The following MEMO1 variants were observed in gnomAD, a reference collection of about 807,000 sequenced individuals.
MEMO1 encodes the protein protein MEMO1.
Under a neutral mutation model 45.2 loss-of-function variants are expected in MEMO1, and 6 were observed. The ratio of observed to expected loss-of-function variants is 0.13; its 90% CI spans 0.07 to 0.26. The LOEUF (loss-of-function observed/expected upper bound fraction) is 0.26. MEMO1 is among the 10% of genes least tolerant of loss of function. The pLI is 1.00. For missense variants in MEMO1, 184 were observed against 370.5 expected (o/e 0.50, Z 4.13); for synonymous variants, 78 against 124.3 (o/e 0.63, Z 2.48).
Position 31,890,835 on chromosome 2 carries a change from T to C in MEMO1, c.580+1157A>G, listed in dbSNP as rs79846200. Among the ~76,000 whole-genome samples, 922 of 152,256 alleles carry C rather than the reference T, an allele frequency of 6.1e-3. 12 individuals are homozygous for C. The highest frequency in any genetic ancestry group is 0.021 in the African/African-American group (863 of 41,568). ...ATTAGTATTGCCACCCTCCAAACCA[T>C]ATCCCAGTTGTGGTGATCAAAACTG... On this transcript the variant is annotated intron_variant, in intron 7 of 9. Transcript: ENST00000404530.
chr2:31,902,819 A>G (rs1201401985), intron 6 of MEMO1, among the ~76,000 whole-genome samples: 3 of 151,894 alleles, frequency 2.0e-5, no homozygotes, highest in African/African-American at 7.3e-5. Context: ...TGGTGCCATC[A>G]CAGCTCACTG....
At chr2:31,925,280 A>G (rs1682909643) in intron 4 of MEMO1, among the ~76,000 whole-genome samples, 1 of 151,960 alleles carries the variant, frequency 6.6e-6, no homozygotes, top group South Asian at 2.1e-4. Context: ...GATCGAGACC[A>G]TCTGGCTAAC....
chr2:32,008,908 T>C (rs906965917), intron 2 of MEMO1, among the ~76,000 whole-genome samples: 2 of 152,134 alleles, frequency 1.3e-5, no homozygotes, highest in Non-Finnish European at 2.9e-5. Context: ...TTCTTCCAAA[T>C]CTTTGCTTTC....
chr2:31,938,963 T>G (rs1558518998), intron 3 of MEMO1, among the ~76,000 whole-genome samples: 1 of 151,862 alleles, frequency 6.6e-6, no homozygotes, highest in South Asian at 2.1e-4. Flanking sequence ...ATTTTTGTAT[T>G]TTTTGTAGAG....
At chr2:31,902,820 C>T (rs1679065628) in intron 6 of MEMO1, among the ~76,000 whole-genome samples, 1 of 151,952 alleles carries the variant, frequency 6.6e-6, no homozygotes, top group African/African-American at 2.4e-5. Flanking sequence ...GGTGCCATCA[C>T]AGCTCACTGC....
intron 4 of MEMO1, 123 bp from the exon 5 acceptor site, chr2:31,921,033 T>C (rs1339235398): frequency 4.9e-6 from 3 of 617,810 alleles, no homozygotes; most frequent in East Asian, 6.4e-5. Context: ...CAACTGTTAA[T>C]GGCTGAACTG....
At chr2:31,874,341 G>C (rs1674243970) in intron 8 of MEMO1, among the ~76,000 whole-genome samples, 1 of 151,922 alleles carries the variant, frequency 6.6e-6, no homozygotes, top group Non-Finnish European at 1.5e-5. Flanking sequence ...AAAAACACTG[G>C]TCTATAGCCA....
chr2:31,948,374 A>T (rs1666427786), intron 2 of MEMO1, among the ~76,000 whole-genome samples: 1 of 152,208 alleles, frequency 6.6e-6, no homozygotes, highest in African/African-American at 2.4e-5. Flanking sequence ...CTATTAGCAC[A>T]ATAAACTCAA....
At chr2:31,950,581 G>A (rs1327251399) in intron 2 of MEMO1, among the ~76,000 whole-genome samples, 1 of 151,546 alleles carries the variant, frequency 6.6e-6, no homozygotes. Context: ...AAACTAGCCA[G>A]GCATGGTGGC....
At chr2:31,961,306 G>A (rs902744483) in intron 2 of MEMO1, among the ~76,000 whole-genome samples, 7 of 151,842 alleles carry the variant, frequency 4.6e-5, no homozygotes, top group African/African-American at 1.2e-4. Context: ...TGTAGTGAGC[G>A]AGATCACACC....
At chr2:32,005,132 T>C (rs942036705) in intron 2 of MEMO1, among the ~76,000 whole-genome samples, 5 of 152,006 alleles carry the variant, frequency 3.3e-5, no homozygotes, top group South Asian at 2.1e-4. Flanking sequence ...ATACAACATG[T>C]ATTAATCTTA....
chr2:31,957,849 T>G lies in MEMO1; in HGVS notation c.62-14466A>C, dbSNP rs182279400. Reference sequence around the variant, plus strand: ...TAAATTGCCTTCTGAAGTAATTAACTATAATGGGATACAATTTTTGGTTTT... The same window carrying G: ...TAAATTGCCTTCTGAAGTAATTAACGATAATGGGATACAATTTTTGGTTTT... On this transcript the variant is annotated intron_variant, in intron 2 of 9. Coordinates refer to ENST00000404530, the MANE Select transcript of MEMO1 (RefSeq NM_001301833.4). Among the ~76,000 whole-genome samples the G allele has an allele frequency of 6.8e-4, 104 of 152,362 alleles. No individual in the cohort carries two copies. The East Asian group carries it at 8.7e-3, about 13-fold the overall frequency.
chr2:31,990,690 A>T (rs1359875931), intron 2 of MEMO1, among the ~76,000 whole-genome samples: 1 of 150,782 alleles, frequency 6.6e-6, no homozygotes, highest in African/African-American at 2.4e-5. Context: ...TACAGGTATG[A>T]GCGACCACGC....
chr2:31,995,597 C>T (rs1038811183), intron 2 of MEMO1, among the ~76,000 whole-genome samples: 4 of 150,004 alleles, frequency 2.7e-5, no homozygotes, highest in Non-Finnish European at 5.9e-5. Context: ...ATAAATTATA[C>T]AAAAGGAAAC....
At chr2:31,950,931 T>C (rs987585487) in intron 2 of MEMO1, among the ~76,000 whole-genome samples, 1 of 152,240 alleles carries the variant, frequency 6.6e-6, no homozygotes, top group African/African-American at 2.4e-5. Flanking sequence ...TGTTTTTCCA[T>C]AGTATCGTCC....
intron 2 of MEMO1, among the ~76,000 whole-genome samples, chr2:31,945,854 T>TGAGTGTGCTCCAA (rs1666131761): frequency 1.3e-5 from 2 of 152,184 alleles, no homozygotes; most frequent in African/African-American, 4.8e-5. Flanking sequence ...CCAAGTGAAT[T>TGAGTGTGCTCCAA]TAGGACAAAC....
chr2:31,877,344 C>A (rs1674704338), intron 8 of MEMO1, among the ~76,000 whole-genome samples: 1 of 152,128 alleles, frequency 6.6e-6, no homozygotes, highest in South Asian at 2.1e-4. Context: ...ATGATGCACG[C>A]TTTTTGGCTG....
intron 2 of MEMO1, among the ~76,000 whole-genome samples, chr2:31,960,626 C>T (rs1381984989): frequency 3.9e-5 from 6 of 152,078 alleles, no homozygotes. Context: ...CACTCTATTA[C>T]CCAGGCTGGA....
At chr2:32,000,363 TG>T (rs1046253577) in intron 2 of MEMO1, among the ~76,000 whole-genome samples, 1 of 152,098 alleles carries the variant, frequency 6.6e-6, no homozygotes, top group African/African-American at 2.4e-5. Context: ...CCCAAGTAGC[TG>T]GGACTACAGG....
Sources: gnomAD v4.1 joint callset for allele counts (sites outside exome capture counted in the v4.1 genomes callset) on GRCh38, gnomAD v4.1.1 for gene constraint, MANE v1.5 for transcripts, NCBI Gene and HGNC (gene_info 2026-07-23, HGNC 2026-07-21) for gene names.